Variants in TNKS observed in about 807,000 individuals in gnomAD.
TNKS encodes the protein poly [ADP-ribose] polymerase tankyrase-1.
A neutral mutation model predicts 135.8 loss-of-function variants in TNKS; 72 were observed. That is an observed-to-expected ratio of 0.53 (90% CI 0.44 to 0.64). The LOEUF is 0.64. Among genes scored for constraint, TNKS ranks in the 30% least tolerant of loss-of-function variants. The probability of loss-of-function intolerance (pLI) is 0.00; values close to 1 mark genes in which losing one functional copy is unlikely to be tolerated. For synonymous variants in TNKS, 849 were observed against 649.3 expected (o/e 1.31, Z -4.68); for missense variants, 1,769 against 1,674.0 (o/e 1.06, Z -0.99).
chr8:9,685,345 C>T (rs542769418), intron 5 of TNKS, among the ~76,000 whole-genome samples: 5 of 152,192 alleles, frequency 3.3e-5, no homozygotes, highest in African/African-American at 1.2e-4. Flanking sequence ...TACTCACTCT[C>T]AAATGGAAAT....
At chr8:9,619,786 T>C (rs1244750244) in intron 3 of TNKS, among the ~76,000 whole-genome samples, 1 of 143,788 alleles carries the variant, frequency 7.0e-6, no homozygotes, top group Non-Finnish European at 1.5e-5. Context: ...CGAAATCCTT[T>C]GCTTTTTTTT....
At chr8:9,731,554 C>G (rs1805442905) in intron 14 of TNKS, among the ~76,000 whole-genome samples, 1 of 150,222 alleles carries the variant, frequency 6.7e-6, no homozygotes, top group Non-Finnish European at 1.5e-5. Flanking sequence ...ATACAGCATT[C>G]AAATGTTGAC....
At chr8:9,766,116 AAT>A in intron 24 of TNKS, 121 bp from the exon 25 acceptor site, 1 of 841,630 alleles carries the variant, frequency 1.2e-6, no homozygotes, top group Non-Finnish European at 1.8e-6. Flanking sequence ...CTTCTTAGAA[AAT>A]ACTTTTCATT....
chr8:9,695,525 T>A (rs1045067699), intron 5 of TNKS, among the ~76,000 whole-genome samples: 3 of 152,144 alleles, frequency 2.0e-5, no homozygotes, highest in African/African-American at 7.2e-5. Flanking sequence ...CTAGAACATT[T>A]TAAACACTTC....
intron 11 of TNKS, among the ~76,000 whole-genome samples, chr8:9,719,134 T>C (rs1804745894): frequency 6.6e-6 from 1 of 152,216 alleles, no homozygotes; most frequent in Non-Finnish European, 1.5e-5. Context: ...TCATTTTTCT[T>C]CTGGCAAATG....
chr8:9,702,157 T>C lies in TNKS; in HGVS notation c.1108-2506T>C, dbSNP rs73529199. ...CTAATATTTGTGTAATTGAAGTCCC[T>C]AGTGGGAATAATTCCCTAGTGAGAG... On this transcript the variant is annotated intron_variant, in intron 5 of 26. Transcript: ENST00000310430. Among the ~76,000 whole-genome samples the C allele has an allele frequency of 3.5e-3, 528 of 152,308 alleles. 2 individuals are homozygous for C. The highest frequency in any genetic ancestry group is 0.012 in the African/African-American group (487 of 41,564).
intron 5 of TNKS, among the ~76,000 whole-genome samples, chr8:9,695,479 GGA>G (rs1803472203): frequency 1.3e-5 from 2 of 152,026 alleles, no homozygotes; most frequent in Non-Finnish European, 2.9e-5. Flanking sequence ...GAAAGTTGTG[GGA>G]TGGGATGTAG....
At chr8:9,589,450 C>T (rs532083332) in intron 2 of TNKS, among the ~76,000 whole-genome samples, 1 of 152,314 alleles carries the variant, frequency 6.6e-6, no homozygotes, top group South Asian at 2.1e-4. Context: ...ACAACCAAGC[C>T]AGCTCCAAGA....
chr8:9,580,421 G>A, intron 2 of TNKS, 38 bp downstream of exon 2: 1 of 1,579,066 alleles, frequency 6.3e-7, no homozygotes. Flanking sequence ...TTTAAATAAA[G>A]GTTTATTCTT....
intron 3 of TNKS, among the ~76,000 whole-genome samples, chr8:9,662,916 A>C (rs573958938): frequency 6.6e-6 from 1 of 152,182 alleles, no homozygotes; most frequent in Non-Finnish European, 1.5e-5. Context: ...ACCTGTAACT[A>C]TGTTACCTTA....
chr8:9,765,914 A>G (rs1436648983), intron 24 of TNKS, 117 bp downstream of exon 24: 1 of 823,944 alleles, frequency 1.2e-6, no homozygotes. Flanking sequence ...GCTTGTTTTG[A>G]TTATTTTGTT....
At chr8:9,700,374 G>C (rs542848605) in intron 5 of TNKS, among the ~76,000 whole-genome samples, 1 of 152,110 alleles carries the variant, frequency 6.6e-6, no homozygotes, top group African/African-American at 2.4e-5. Flanking sequence ...TGTTTTCATT[G>C]CTATCCCTAG....
intron 14 of TNKS, 39 bp from the exon 15 acceptor site, chr8:9,733,240 G>T (rs1486622855): frequency 2.0e-6 from 3 of 1,517,134 alleles, no homozygotes; most frequent in African/African-American, 1.4e-5. Flanking sequence ...TAACTCAAAG[G>T]TTTGTTTTAT....
intron 17 of TNKS, among the ~76,000 whole-genome samples, chr8:9,746,029 A>G (rs1450352093): frequency 2.0e-5 from 3 of 152,186 alleles, no homozygotes; most frequent in African/African-American, 7.2e-5. Context: ...TCCCATTCTC[A>G]TAAATGTCTT....
chr8:9,594,161 A>G (rs78717751), intron 2 of TNKS, among the ~76,000 whole-genome samples: 1 of 152,186 alleles, frequency 6.6e-6, no homozygotes, highest in African/African-American at 2.4e-5. Flanking sequence ...TGCTAGGATT[A>G]CAGGCATGAG....
At position 9,752,619 on chromosome 8, in the gene TNKS, C is replaced by G; in HGVS notation, c.3146C>G (p.Thr1049Arg). 4 of 1,605,734 alleles carry G rather than the reference C, an allele frequency of 2.5e-6. No individual in the cohort carries two copies. The highest frequency in any genetic ancestry group is 3.4e-6 in the Non-Finnish European group (4 of 1,173,194). Residue 1049 changes from threonine to arginine, a missense_variant, in exon 20 of 27, where the codon ACA (threonine) becomes AGA (arginine). Physicochemically the swap from Thr to Arg is moderately conservative, Grantham distance 71 (BLOSUM62 -1). This residue lies in a region of TNKS where 722 missense variants were observed against 688.9 expected (regional missense o/e 1.05). Coordinates refer to ENST00000310430, the MANE Select transcript of TNKS (RefSeq NM_003747.3). ...GAACACCTTCGGGATATCTTTGAAACAGAACAGGTAAATACTCTTGTATAT... is the reference window on the plus strand; with the variant it reads ...GAACACCTTCGGGATATCTTTGAAAGAGAACAGGTAAATACTCTTGTATAT... The part of the protein sequence containing the change: ...GLEHLRDIFE[T>R]EQITLDVLAD...
At chr8:9,698,876 A>C (rs868531983) in intron 5 of TNKS, among the ~76,000 whole-genome samples, 5 of 152,248 alleles carry the variant, frequency 3.3e-5, no homozygotes, top group African/African-American at 9.6e-5. Flanking sequence ...AGACATCTTT[A>C]ATTTATAGGA....
chr8:9,779,996 A>G lies in TNKS; in HGVS notation c.*3260A>G, dbSNP rs570605782. 2.1e-4 allele frequency: 32 copies of G among 152,380 alleles called. No individual in the cohort carries two copies. The highest frequency in any genetic ancestry group is 7.7e-4 in the African/African-American group (32 of 41,592). 9.4% of individuals were successfully genotyped at this position (152,380 alleles called of 1,614,324 possible). A position where few individuals can be genotyped will look rare whatever the true frequency, so the allele number is the denominator to read the frequency against. On this transcript the variant is annotated 3_prime_UTR_variant, in exon 27 of 27. Coordinates refer to ENST00000310430, the MANE Select transcript of TNKS (RefSeq NM_003747.3). The stretch of plus-strand genomic sequence containing the variant: ...GATTTCCCTTTGCTCTCAAAATACA[A>G]AGTGCATTGAAGTATACAGAGAAAT...
At chr8:9,710,490 T>C in intron 11 of TNKS, 1 of 570,364 alleles carries the variant, frequency 1.8e-6, no homozygotes, top group Non-Finnish European at 3.1e-6. Context: ...CATCTTTACA[T>C]TACTTTCAGT....
Sources: gnomAD v4.1 joint callset for allele counts (sites outside exome capture counted in the v4.1 genomes callset) on GRCh38, gnomAD v4.1.1 for gene constraint, gnomAD v4.1.1 regional missense constraint, MANE v1.5 for transcripts, NCBI Gene and HGNC (gene_info 2026-07-23, HGNC 2026-07-21) for gene names.